BMPR1A: variants seen among roughly 807,000 people sequenced by gnomAD.
The protein encoded by BMPR1A is bone morphogenetic protein receptor type-1A.
In BMPR1A, 7 loss-of-function variants were observed where a neutral mutation model predicts 66.0. The observed-to-expected ratio is 0.11, with a 90% CI of 0.06 to 0.20. The LOEUF (loss-of-function observed/expected upper bound fraction) is 0.20, where lower values mean the gene tolerates loss of function less well. Ranked by LOEUF, BMPR1A falls within the 10% of genes least tolerant of loss-of-function variation. The probability of loss-of-function intolerance (pLI) is 1.00; values close to 1 mark genes in which losing one functional copy is unlikely to be tolerated. For synonymous variants in BMPR1A, 200 were observed against 229.7 expected (o/e 0.87, Z 1.17); for missense variants, 408 against 669.1 (o/e 0.61, Z 4.31).
intron 5 of BMPR1A, among the ~76,000 whole-genome samples, chr10:86,892,828 A>G (rs1056443515): frequency 1.9e-4 from 29 of 150,516 alleles, no homozygotes; most frequent in Non-Finnish European, 3.8e-4. Context: ...GTTCCACGGT[A>G]CTGCAGCCTG....
At chr10:86,793,093 TACCCCCCCCC>T (rs950434534) in intron 1 of BMPR1A, among the ~76,000 whole-genome samples, 4 of 129,970 alleles carry the variant, frequency 3.1e-5, no homozygotes, top group Admixed American at 1.5e-4. Context: ...TCCTGATCTA[TACCCCCCCCC>T]ACCCCCCGCC....
At chr10:86,829,709 C>T (rs975374567) in intron 1 of BMPR1A, among the ~76,000 whole-genome samples, 2 of 152,138 alleles carry the variant, frequency 1.3e-5, no homozygotes, top group Non-Finnish European at 2.9e-5. Context: ...TTTCACTTGG[C>T]GCAATTCCTT....
At chr10:86,809,524 G>C (rs1174168997) in intron 1 of BMPR1A, among the ~76,000 whole-genome samples, 1 of 151,026 alleles carries the variant, frequency 6.6e-6, no homozygotes, top group African/African-American at 2.4e-5. Context: ...GAATTCCTGG[G>C]CTCAAGTGAT....
Position 86,917,341 on chromosome 10 carries a change from A to G in BMPR1A, c.868+15A>G. The G allele has an allele frequency of 1.9e-6, 3 of 1,613,906 alleles. No homozygotes were observed. Among genetic ancestry groups the G allele is most frequent in the Non-Finnish European group, 1.7e-6 (2 of 1,179,858 alleles). On this transcript the variant is annotated intron_variant, in intron 9 of 12. Coordinates refer to ENST00000372037, the MANE Select transcript of BMPR1A (RefSeq NM_004329.3). ...AAACATACTTGGTGGGTACACACTG[A>G]TTCAGTCAATTTCATTTTTGACAAG...
intron 2 of BMPR1A, among the ~76,000 whole-genome samples, chr10:86,849,270 C>G (rs553358504): frequency 1.3e-5 from 2 of 152,306 alleles, no homozygotes; most frequent in Admixed American, 1.3e-4. Flanking sequence ...TCTTACTGAT[C>G]TCACTCTATT....
intron 1 of BMPR1A, among the ~76,000 whole-genome samples, chr10:86,803,324 T>A (rs1208725202): frequency 1.5e-5 from 2 of 135,408 alleles, no homozygotes; most frequent in Non-Finnish European, 3.3e-5. Flanking sequence ...CAAGCAGTCC[T>A]TGGCTTCCAC....
At chr10:86,875,433 T>G (rs1842909352) in intron 2 of BMPR1A, among the ~76,000 whole-genome samples, 1 of 152,214 alleles carries the variant, frequency 6.6e-6, no homozygotes, top group Non-Finnish European at 1.5e-5. Context: ...TCCTCTTCTA[T>G]CTATAGAATA....
intron 1 of BMPR1A, among the ~76,000 whole-genome samples, chr10:86,821,961 A>G (rs1471009327): frequency 1.3e-5 from 2 of 151,656 alleles, no homozygotes; most frequent in African/African-American, 2.4e-5. Flanking sequence ...GCACCACCAC[A>G]CCCAGCTAAT....
chr10:86,845,408 C>T lies in BMPR1A; in HGVS notation c.-153+6429C>T, dbSNP rs1050015230. Among the ~76,000 whole-genome samples the T allele has an allele frequency of 7.9e-5, 12 of 152,246 alleles. No homozygotes were observed. The East Asian group carries it at 1.2e-3, about 15-fold the overall frequency. On this transcript the variant is annotated intron_variant, in intron 2 of 12. Transcript: ENST00000372037. ...ACCTGTTGTTAATTGAAGGTTGCTC[C>T]GTGAGCTTTAACTCCGGCAGGTCTG...
At chr10:86,807,470 T>C (rs931798119) in intron 1 of BMPR1A, among the ~76,000 whole-genome samples, 1 of 152,116 alleles carries the variant, frequency 6.6e-6, no homozygotes, top group Non-Finnish European at 1.5e-5. Flanking sequence ...AGCCTTGAAC[T>C]TCTAGGCTCA....
At chr10:86,866,566 G>A (rs1379729994) in intron 2 of BMPR1A, among the ~76,000 whole-genome samples, 2 of 151,544 alleles carry the variant, frequency 1.3e-5, no homozygotes, top group Non-Finnish European at 1.5e-5. Context: ...CTGCCACCAC[G>A]CCTGGCTAAT....
intron 1 of BMPR1A, among the ~76,000 whole-genome samples, chr10:86,774,980 C>A (rs900908455): frequency 6.6e-6 from 1 of 152,158 alleles, no homozygotes; most frequent in African/African-American, 2.4e-5. Context: ...AAATACTTCC[C>A]GTGAAAGGAA....
intron 1 of BMPR1A, among the ~76,000 whole-genome samples, chr10:86,778,137 C>T (rs1177419088): frequency 6.6e-6 from 1 of 151,972 alleles, no homozygotes; most frequent in Non-Finnish European, 1.5e-5. Flanking sequence ...GCTTGTCCAA[C>T]TCATGGCTCA....
At chr10:86,820,230 AT>A (rs1842101649) in intron 1 of BMPR1A, among the ~76,000 whole-genome samples, 1 of 151,952 alleles carries the variant, frequency 6.6e-6, no homozygotes, top group Non-Finnish European at 1.5e-5. Context: ...TTGGGTAGAG[AT>A]GGGGTTTTGC....
chr10:86,882,987 C>G (rs1011913262), intron 3 of BMPR1A, among the ~76,000 whole-genome samples: 2 of 151,854 alleles, frequency 1.3e-5, no homozygotes, highest in African/African-American at 4.8e-5. Flanking sequence ...AAAAAACCAT[C>G]AAAAACTACT....
intron 1 of BMPR1A, among the ~76,000 whole-genome samples, chr10:86,837,249 G>GTC (rs1554883391): frequency 3.4e-5 from 5 of 148,720 alleles, no homozygotes; most frequent in Admixed American, 6.7e-5. Flanking sequence ...GTGTGTGTCT[G>GTC]TGTGTGTGTG....
chr10:86,825,165 G>A (rs574297969), intron 1 of BMPR1A, among the ~76,000 whole-genome samples: 43 of 150,772 alleles, frequency 2.9e-4, no homozygotes, highest in African/African-American at 9.8e-4. Flanking sequence ...GTGCAATGGC[G>A]TGATCATTGC....
chr10:86,759,251 TTC>T (rs1379136034), intron 1 of BMPR1A, among the ~76,000 whole-genome samples: 1 of 152,226 alleles, frequency 6.6e-6, no homozygotes, highest in Non-Finnish European at 1.5e-5. Flanking sequence ...CTTTTCTGCC[TTC>T]TGTTTCTTCT....
intron 5 of BMPR1A, among the ~76,000 whole-genome samples, chr10:86,899,221 C>G (rs569433877): frequency 6.6e-6 from 1 of 152,330 alleles, no homozygotes; most frequent in Admixed American, 6.5e-5. Context: ...GTGACTGTGT[C>G]CTTCTCTGTG....
Sources: allele counts gnomAD v4.1 joint callset (sites outside exome capture counted in the v4.1 genomes callset), GRCh38; gene constraint gnomAD v4.1.1; transcripts MANE v1.5; gene names NCBI Gene and HGNC (gene_info 2026-07-23, HGNC 2026-07-21).